Variants in NBAS observed in about 807,000 individuals in gnomAD.
The protein encoded by NBAS is NAG/BC035112 fusion.
A neutral mutation model predicts 302.5 loss-of-function variants in NBAS; 219 were observed. That is an observed-to-expected ratio of 0.72 (90% CI 0.65 to 0.81). The LOEUF (loss-of-function observed/expected upper bound fraction) is 0.81. Among genes scored for constraint, NBAS ranks in the 30% least tolerant of loss-of-function variants. The pLI is 0.00. For missense variants in NBAS, 2,932 were observed against 2,841.6 expected (o/e 1.03, Z -0.72); for synonymous variants, 1,118 against 1,021.6 (o/e 1.09, Z -1.80).
chr2:15,414,055 G>A (rs1676806425), intron 25 of NBAS, among the ~76,000 whole-genome samples: 1 of 152,106 alleles, frequency 6.6e-6, no homozygotes, highest in South Asian at 2.1e-4. Context: ...AATCCATCTT[G>A]CTTCTCACAA....
the NBAS span, among the ~76,000 whole-genome samples, chr2:15,060,227 T>A: frequency 6.6e-6 from 1 of 152,184 alleles, no homozygotes; most frequent in South Asian, 2.1e-4. Context: ...GGACGTGGAT[T>A]TGTGTCTCAA....
At position 15,473,146 on chromosome 2, in the gene NBAS, C is replaced by T. The variant is rs990001217; in HGVS notation, c.1725+76G>A. ...AGAAAAGTCAGCAATGTAAAGTACT[C>T]TAAAATGAAGCCCTATAAACAAAAG... On this transcript the variant is annotated intron_variant, in intron 16 of 51. Transcript: ENST00000281513. 9 of 1,522,402 alleles carry T rather than the reference C, an allele frequency of 5.9e-6. No individual in the cohort carries two copies. The East Asian group carries it at 9.2e-5, about 16-fold the overall frequency. The allele number at this position is 1,522,402 out of a possible 1,614,324, so 94.3% of individuals were successfully genotyped here. A position where few individuals can be genotyped will look rare whatever the true frequency, so the allele number is the denominator to read the frequency against.
At chr2:14,822,524 C>T in the NBAS span, among the ~76,000 whole-genome samples, 1 of 152,134 alleles carries the variant, frequency 6.6e-6, no homozygotes, top group East Asian at 1.9e-4. Flanking sequence ...GTATACATTT[C>T]AGACCTCCAA....
the NBAS span, among the ~76,000 whole-genome samples, chr2:14,931,741 A>G: frequency 2.6e-5 from 4 of 152,312 alleles, no homozygotes; most frequent in East Asian, 5.8e-4. Flanking sequence ...TGAGGCCCCA[A>G]CAGGATTCCA....
chr2:15,539,196 T>G (rs567335208), intron 7 of NBAS, 27 bp downstream of exon 7: 1 of 1,614,046 alleles, frequency 6.2e-7, no homozygotes, highest in East Asian at 2.2e-5. Context: ...GAAAAAACTA[T>G]GTTTTCAATT....
intron 5 of NBAS, among the ~76,000 whole-genome samples, chr2:15,552,876 A>G: frequency 6.7e-6 from 1 of 150,156 alleles, no homozygotes; most frequent in East Asian, 2.0e-4. Context: ...CACTGCAACT[A>G]GTTCTCAGCT....
At chr2:15,341,458 T>A (rs918809219) in intron 35 of NBAS, among the ~76,000 whole-genome samples, 6 of 151,818 alleles carry the variant, frequency 4.0e-5, no homozygotes, top group African/African-American at 1.4e-4. Context: ...ACCCATAGAT[T>A]ACACTGTAAC....
chr2:15,230,167 A>G (rs1667321399), intron 47 of NBAS, among the ~76,000 whole-genome samples: 1 of 152,156 alleles, frequency 6.6e-6, no homozygotes, highest in South Asian at 2.1e-4. Flanking sequence ...CAAGGAATGA[A>G]TAACTTGACA....
rs114882658 is a variant in NBAS at position 15,274,849 on chromosome 2, C to T, written c.5724+635G>A. ...GCATGATCTCAGCTCACTCCAACCT[C>T]CGTTTCGTAGGTTCAAGCAATTCTC... On this transcript the variant is annotated intron_variant, in intron 44 of 51. Coordinates refer to ENST00000281513, the MANE Select transcript of NBAS (RefSeq NM_015909.4). 9.0e-3 allele frequency among the ~76,000 whole-genome samples: 1,371 copies of T among 152,198 alleles called. 23 individuals carry two copies. Among genetic ancestry groups the T allele is most frequent in the African/African-American group, 0.032 (1,320 of 41,522 alleles).
chr2:14,986,506 G>A, the NBAS span, among the ~76,000 whole-genome samples: 2 of 152,020 alleles, frequency 1.3e-5, no homozygotes, highest in African/African-American at 4.8e-5. Context: ...CATTTCATTA[G>A]TCTCTTCAAT....
the NBAS span, among the ~76,000 whole-genome samples, chr2:14,957,278 CGTGTGTGT>C: frequency 2.7e-5 from 4 of 147,572 alleles, no homozygotes; most frequent in African/African-American, 2.5e-5. Flanking sequence ...TATACATATA[CGTGTGTGT>C]GTGTGTGTGT....
intron 44 of NBAS, among the ~76,000 whole-genome samples, chr2:15,249,879 C>A (rs1265031146): frequency 6.6e-6 from 1 of 152,170 alleles, no homozygotes. Context: ...AATGGCCATA[C>A]TGATGCCCAA....
At chr2:15,055,122 C>T in the NBAS span, among the ~76,000 whole-genome samples, 9 of 152,048 alleles carry the variant, frequency 5.9e-5, no homozygotes, top group East Asian at 1.6e-3. Context: ...TACATTCACT[C>T]GAAGCAATGG....
intron 38 of NBAS, among the ~76,000 whole-genome samples, chr2:15,312,482 G>A (rs1218050264): frequency 3.3e-5 from 5 of 152,022 alleles, no homozygotes; most frequent in Non-Finnish European, 7.4e-5. Flanking sequence ...TTTTCATGGT[G>A]CCCAAGCTGG....
chr2:14,961,461 A>T, the NBAS span, among the ~76,000 whole-genome samples: 2 of 151,898 alleles, frequency 1.3e-5, no homozygotes, highest in East Asian at 3.9e-4. Context: ...CTCTCTGCCC[A>T]TGTGATCAGC....
chr2:15,559,323 C>T (rs1558438963), intron 1 of NBAS, among the ~76,000 whole-genome samples: 1 of 152,100 alleles, frequency 6.6e-6, no homozygotes, highest in Admixed American at 6.5e-5. Context: ...TCTCCAAGGC[C>T]AATTCATTGA....
At chr2:14,788,733 G>C in the NBAS span, among the ~76,000 whole-genome samples, 3 of 152,158 alleles carry the variant, frequency 2.0e-5, no homozygotes, top group Non-Finnish European at 4.4e-5. Context: ...GTGTCAGTCT[G>C]CCCCTACTGG....
intron 21 of NBAS, among the ~76,000 whole-genome samples, chr2:15,454,613 C>G (rs1679165830): frequency 6.6e-6 from 1 of 152,202 alleles, no homozygotes; most frequent in Non-Finnish European, 1.5e-5. Context: ...AAACTGCACC[C>G]TGCTGAACCA....
chr2:15,418,361 C>T (rs1003318985), intron 23 of NBAS, among the ~76,000 whole-genome samples: 5 of 152,134 alleles, frequency 3.3e-5, no homozygotes, highest in Non-Finnish European at 7.4e-5. Context: ...ATACATTCTC[C>T]GAGTGATAGA....
Sources: gnomAD v4.1 joint callset for allele counts (sites outside exome capture counted in the v4.1 genomes callset) on GRCh38, gnomAD v4.1.1 for gene constraint, MANE v1.5 for transcripts, NCBI Gene and HGNC (gene_info 2026-07-23, HGNC 2026-07-21) for gene names.